The following GGNBP2 variants were observed in gnomAD, a reference collection of about 807,000 sequenced individuals.
GGNBP2 encodes the protein gametogenetin-binding protein 2.
A neutral mutation model predicts 85.9 loss-of-function variants in GGNBP2; 10 were observed. That is an observed-to-expected ratio of 0.12 (90% confidence interval 0.07 to 0.20). The LOEUF (loss-of-function observed/expected upper bound fraction) is 0.20, where lower values mean the gene tolerates loss of function less well. Ranked by LOEUF, GGNBP2 falls within the 10% of genes least tolerant of loss-of-function variation. The pLI is 1.00. For synonymous variants in GGNBP2, 287 were observed against 285.7 expected, an observed-to-expected ratio of 1.00 and a Z score of -0.05; for missense variants, 595 against 857.8, an observed-to-expected ratio of 0.69 and a Z score of 3.83.
intron 4 of GGNBP2, among the ~76,000 whole-genome samples, chr17:36,557,580 G>C (rs1217221466): frequency 1.3e-5 from 2 of 152,064 alleles, no homozygotes; most frequent in South Asian, 2.1e-4. Flanking sequence ...AGAATGGAGT[G>C]GGGGTAGAAT....
At chr17:36,576,629 G>GTGTGTA (rs1203227585) in intron 6 of GGNBP2, 77 of 111,056 alleles carry the variant, frequency 6.9e-4, no homozygotes, top group African/African-American at 2.9e-3. Context: ...GTGTGTGTGT[G>GTGTGTA]TATATGTATA....
chr17:36,572,629 G>A (rs1410549904), intron 6 of GGNBP2, among the ~76,000 whole-genome samples: 2 of 152,118 alleles, frequency 1.3e-5, no homozygotes, highest in Non-Finnish European at 2.9e-5. Context: ...GGGAGGTTGA[G>A]GCTACAGTGA....
chr17:36,574,464 T>C (rs746926304), intron 6 of GGNBP2: 5 of 246,810 alleles, frequency 2.0e-5, no homozygotes, highest in Admixed American at 9.5e-5. Flanking sequence ...AAACCCTGTG[T>C]TGTAGCCACA....
At chr17:36,553,173 A>G (rs1276996411) in intron 2 of GGNBP2, among the ~76,000 whole-genome samples, 1 of 152,232 alleles carries the variant, frequency 6.6e-6, no homozygotes, top group Non-Finnish European at 1.5e-5. Context: ...ATATAGGAAC[A>G]CATACAGAAA....
intron 2 of GGNBP2, chr17:36,546,493 A>G (rs1036176307): frequency 1.2e-4 from 18 of 152,200 alleles, no homozygotes; most frequent in African/African-American, 4.3e-4. Context: ...GAGTACTATA[A>G]AAAGCTGATT....
chr17:36,545,641 AGCGGCGGCGGCAGAAACAGCAGCGGCG>A lies in GGNBP2; in HGVS notation c.-70_-44del, dbSNP rs1397220756. The A allele has an allele frequency of 2.7e-5, 29 of 1,062,766 alleles. No homozygotes were observed. The highest frequency in any genetic ancestry group is 4.7e-5 in the African/African-American group (3 of 63,264). 65.8% of individuals were successfully genotyped at this position (1,062,766 alleles called of 1,614,324 possible). On this transcript the variant is annotated 5_prime_UTR_variant, in exon 2 of 14. Coordinates refer to ENST00000613102, the MANE Select transcript of GGNBP2 (RefSeq NM_024835.5). ...CAGGCAGGAGCTGGGAGGAGGCGGC[AGCGGCGGCGGCAGAAACAGCAGCGGCG>A]GCGGCGGCGGCAGCTGGGAGGAGGT...
chr17:36,560,338 G>A (rs906014707), intron 4 of GGNBP2, among the ~76,000 whole-genome samples: 4 of 152,190 alleles, frequency 2.6e-5, no homozygotes, highest in Non-Finnish European at 4.4e-5. Flanking sequence ...GTAGTAGTGT[G>A]TATTCCATAT....
intron 2 of GGNBP2, among the ~76,000 whole-genome samples, chr17:36,554,352 ATTTTTTTTTTTTTTTTTTTTTTT>A (rs780217291): frequency 4.5e-5 from 2 of 44,480 alleles, no homozygotes; most frequent in African/African-American, 2.2e-4. Context: ...ATGTACTTGA[ATTTTTTTTTTTTTTTTTTTTTTT>A]TTTTTTTTTT....
chr17:36,585,224 A>T (rs969650166), intron 9 of GGNBP2, 76 bp from the exon 10 acceptor site: 41 of 1,247,088 alleles, frequency 3.3e-5, no homozygotes, highest in Non-Finnish European at 4.5e-5. Context: ...GGATGAAAAT[A>T]GTTTTGATCT....
At chr17:36,572,193 TGA>T (rs1246897493) in intron 6 of GGNBP2, among the ~76,000 whole-genome samples, 1 of 152,226 alleles carries the variant, frequency 6.6e-6, no homozygotes, top group East Asian at 1.9e-4. Context: ...TAAACTACTA[TGA>T]GAGTATAAAG....
chr17:36,585,665 ATATTTTCAT>A (rs1456146513), intron 10 of GGNBP2, 166 bp from the exon 11 acceptor site: 1 of 634,490 alleles, frequency 1.6e-6, no homozygotes, highest in African/African-American at 1.9e-5. Context: ...ATTCCTAATC[ATATTTTCAT>A]TATTTAATTT....
chr17:36,585,070 G>A (rs1006482144), intron 9 of GGNBP2, among the ~76,000 whole-genome samples: 3 of 152,084 alleles, frequency 2.0e-5, no homozygotes, highest in Admixed American at 6.6e-5. Flanking sequence ...GAGAGCGCTT[G>A]ACAGTTGAAG....
At position 36,589,531 on chromosome 17, in the gene GGNBP2, TTTC is replaced by T. The variant is rs2074738030; in HGVS notation, c.*123_*125del. 5.5e-6 allele frequency: 4 copies of T among 721,836 alleles called. No individual in the cohort carries two copies. In the African/African-American group the frequency reaches 7.1e-5, roughly 13 times the overall value. 44.7% of individuals were successfully genotyped at this position (721,836 alleles called of 1,614,324 possible). A position where few individuals can be genotyped will look rare whatever the true frequency, so the allele number is the denominator to read the frequency against. Reference sequence around the variant, plus strand: ...ATTTTATCTTAAATCAATGTGATTCTTTCTTGTTTTGGGAGACGGTGGAGGTAT... The same window carrying T: ...ATTTTATCTTAAATCAATGTGATTCTTTGTTTTGGGAGACGGTGGAGGTAT... On this transcript the variant is annotated 3_prime_UTR_variant, in exon 14 of 14. Coordinates refer to ENST00000613102, the MANE Select transcript of GGNBP2 (RefSeq NM_024835.5).
intron 5 of GGNBP2, among the ~76,000 whole-genome samples, chr17:36,561,183 G>A (rs548440137): frequency 6.6e-6 from 1 of 151,998 alleles, no homozygotes; most frequent in Non-Finnish European, 1.5e-5. Context: ...GAGTGCAGTG[G>A]CACAATCTCA....
intron 6 of GGNBP2, among the ~76,000 whole-genome samples, chr17:36,573,217 AT>A (rs1424470842): frequency 2.0e-5 from 3 of 151,888 alleles, no homozygotes; most frequent in Non-Finnish European, 2.9e-5. Flanking sequence ...AGTTCAAGTG[AT>A]TCTCCTGCCT....
intron 4 of GGNBP2, among the ~76,000 whole-genome samples, chr17:36,559,874 T>C (rs1353504015): frequency 2.0e-5 from 3 of 152,224 alleles, no homozygotes; most frequent in African/African-American, 7.2e-5. Flanking sequence ...TCTCACTCTG[T>C]CTCAAGCTGG....
rs1334815308 is a variant in GGNBP2 at position 36,589,421 on chromosome 17, A to G, written c.*10A>G. The G allele has an allele frequency of 6.3e-7, 1 of 1,598,162 alleles. No homozygotes were observed. Among genetic ancestry groups the G allele is most frequent in the Non-Finnish European group, 8.6e-7 (1 of 1,166,832 alleles). ...GGCTGGAGCAAATTAAATAAATAAA[A>G]TAGCTCTGTCTTTCAATGAAACACT... On this transcript the variant is annotated 3_prime_UTR_variant, in exon 14 of 14. Transcript: ENST00000613102.
At chr17:36,546,155 C>G (rs2074252539) in intron 2 of GGNBP2, 2 of 405,814 alleles carry the variant, frequency 4.9e-6, no homozygotes, top group Admixed American at 8.5e-5. Context: ...AGGGCCTACC[C>G]CATACAGAAA....
intron 6 of GGNBP2, 36 bp from the exon 7 acceptor site, chr17:36,577,946 AG>A: frequency 6.6e-7 from 1 of 1,506,216 alleles, no homozygotes; most frequent in African/African-American, 1.4e-5. Flanking sequence ...ATAATTGCAC[AG>A]CCATTTCTTA....
Sources: allele counts gnomAD v4.1 joint callset (sites outside exome capture counted in the v4.1 genomes callset), GRCh38; gene constraint gnomAD v4.1.1; transcripts MANE v1.5; gene names NCBI Gene and HGNC (gene_info 2026-07-23, HGNC 2026-07-21).